CDKAL1: variants seen among roughly 807,000 people sequenced by gnomAD.
CDKAL1 encodes CDKAL1 threonylcarbamoyladenosine tRNA methylthiotransferase.
CDKAL1 carries 32 observed loss-of-function variants against 68.2 expected under a neutral mutation model. The ratio of observed to expected loss-of-function variants is 0.47; its 90% CI spans 0.35 to 0.63. The LOEUF is 0.63. Among genes scored for constraint, CDKAL1 ranks in the 30% least tolerant of loss-of-function variants. CDKAL1 has a pLI of 0.00. For missense variants in CDKAL1, 606 were observed against 696.7 expected (o/e 0.87, Z 1.47); for synonymous variants, 234 against 244.3 (o/e 0.96, Z 0.39).
intron 9 of CDKAL1, among the ~76,000 whole-genome samples, chr6:20,942,953 CAAAAAAA>C (rs70990084): frequency 1.8e-5 from 2 of 113,326 alleles, no homozygotes; most frequent in Non-Finnish European, 1.7e-5. Flanking sequence ...GATTCTGTCT[CAAAAAAA>C]AAAAAAAAAG....
In CDKAL1 at chr6:21,203,669, C is replaced by T. The variant is rs117383080; in HGVS notation, c.1548+2395C>T. On this transcript the variant is annotated intron_variant, in intron 15 of 15. Coordinates refer to ENST00000274695, the MANE Select transcript of CDKAL1 (RefSeq NM_017774.3). ...CTAAAGCAAAATACTGTGCTTTGGA[C>T]TTATTTTGTCTCACTTGACCTCTTT... Among the ~76,000 whole-genome samples, 19 of 136,252 alleles carry T rather than the reference C, an allele frequency of 1.4e-4. No individual in the cohort carries two copies. The East Asian group carries it at 3.9e-3, about 28-fold the overall frequency. The allele number at this position is 136,252 out of a possible 152,430, so 89.4% of individuals were successfully genotyped here.
chr6:21,032,434 A>C (rs1004978911), intron 11 of CDKAL1, among the ~76,000 whole-genome samples: 1 of 152,176 alleles, frequency 6.6e-6, no homozygotes, highest in Middle Eastern at 3.4e-3. Flanking sequence ...GTCTATTTTT[A>C]TTTAAAGTTA....
chr6:21,227,168 T>C (rs1035287457), intron 15 of CDKAL1, among the ~76,000 whole-genome samples: 1 of 152,240 alleles, frequency 6.6e-6, no homozygotes, highest in Admixed American at 6.5e-5. Context: ...ACGCTTGTCG[T>C]GTGTGTGTCG....
intron 5 of CDKAL1, among the ~76,000 whole-genome samples, chr6:20,686,137 A>C (rs1770607958): frequency 6.7e-6 from 1 of 149,248 alleles, no homozygotes; most frequent in African/African-American, 2.5e-5. Flanking sequence ...CATTTATTTC[A>C]TCTGCGAACA....
At chr6:20,935,745 T>A (rs968596171) in intron 9 of CDKAL1, among the ~76,000 whole-genome samples, 8 of 152,146 alleles carry the variant, frequency 5.3e-5, no homozygotes, top group South Asian at 2.1e-4. Context: ...TAGACTTTTT[T>A]AAAAAATAGA....
chr6:21,034,501 A>G (rs1377611523), intron 11 of CDKAL1, among the ~76,000 whole-genome samples: 1 of 152,232 alleles, frequency 6.6e-6, no homozygotes, highest in Non-Finnish European at 1.5e-5. Context: ...TAAGTGGCCA[A>G]TTAAAGCAGC....
chr6:21,112,465 C>T (rs995390720), intron 13 of CDKAL1, among the ~76,000 whole-genome samples: 6 of 152,122 alleles, frequency 3.9e-5, no homozygotes, highest in Non-Finnish European at 8.8e-5. Flanking sequence ...CACTATTTTT[C>T]TGTATTTTGT....
At chr6:20,917,873 G>C (rs1762786330) in intron 9 of CDKAL1, among the ~76,000 whole-genome samples, 1 of 152,164 alleles carries the variant, frequency 6.6e-6, no homozygotes, top group African/African-American at 2.4e-5. Flanking sequence ...TCCTTTGTGG[G>C]ATGATTAAGT....
At chr6:20,753,040 T>G (rs1773998043) in intron 6 of CDKAL1, among the ~76,000 whole-genome samples, 1 of 152,186 alleles carries the variant, frequency 6.6e-6, no homozygotes, top group Admixed American at 6.5e-5. Context: ...ACTATGCAAT[T>G]CACCCATTTA....
intron 11 of CDKAL1, among the ~76,000 whole-genome samples, chr6:21,044,713 G>C (rs1393715718): frequency 1.3e-5 from 2 of 152,142 alleles, no homozygotes; most frequent in Non-Finnish European, 2.9e-5. Flanking sequence ...TGGTTTCTCT[G>C]TGCAAACACT....
Position 21,231,065 on chromosome 6 carries a change from A to T in CDKAL1, c.*26A>T. On this transcript the variant is annotated 3_prime_UTR_variant, in exon 16 of 16. Transcript: ENST00000274695. ...AATACAACTAATGGAAACATCTATA[A>T]AGAAGAATACATTTCTAATTAAAAT... The T allele has an allele frequency of 6.6e-7, 1 of 1,511,180 alleles. No homozygotes were observed. Among genetic ancestry groups the T allele is most frequent in the Non-Finnish European group, 9.1e-7 (1 of 1,103,644 alleles). 93.6% of individuals were successfully genotyped at this position (1,511,180 alleles called of 1,614,324 possible).
chr6:20,598,604 G>A (rs1765944350), intron 4 of CDKAL1, among the ~76,000 whole-genome samples: 1 of 152,118 alleles, frequency 6.6e-6, no homozygotes, highest in Non-Finnish European at 1.5e-5. Context: ...GATATCTATT[G>A]TGTTCATTAA....
At chr6:20,926,602 G>C (rs1763199932) in intron 9 of CDKAL1, among the ~76,000 whole-genome samples, 1 of 151,928 alleles carries the variant, frequency 6.6e-6, no homozygotes, top group Non-Finnish European at 1.5e-5. Flanking sequence ...AAAGAAGAAG[G>C]GGCATCTTAC....
intron 4 of CDKAL1, among the ~76,000 whole-genome samples, chr6:20,589,360 A>G (rs1391405337): frequency 6.6e-6 from 1 of 152,224 alleles, no homozygotes; most frequent in Non-Finnish European, 1.5e-5. Flanking sequence ...CATTACACAC[A>G]CATGTTCTGC....
At chr6:20,855,442 C>CAAAAAAA (rs145448785) in intron 9 of CDKAL1, among the ~76,000 whole-genome samples, 2 of 64,598 alleles carry the variant, frequency 3.1e-5, no homozygotes, top group African/African-American at 1.4e-4. Context: ...GACTCCGTCT[C>CAAAAAAA]AAAAAAAAAA....
intron 13 of CDKAL1, among the ~76,000 whole-genome samples, chr6:21,194,923 A>C (rs1054952625): frequency 6.6e-6 from 1 of 152,098 alleles, no homozygotes; most frequent in Non-Finnish European, 1.5e-5. Flanking sequence ...AAAAATATTG[A>C]GGGAAGCATT....
At chr6:20,555,644 A>G in intron 4 of CDKAL1, among the ~76,000 whole-genome samples, 1 of 98,922 alleles carries the variant, frequency 1.0e-5, no homozygotes, top group Non-Finnish European at 1.9e-5. Context: ...TTTTTTTGAG[A>G]CGGAGTCCTG....
chr6:21,067,016 C>T (rs1173597310), intron 12 of CDKAL1, among the ~76,000 whole-genome samples: 3 of 152,146 alleles, frequency 2.0e-5, no homozygotes, highest in Non-Finnish European at 4.4e-5. Context: ...TCTCATAGTT[C>T]AATCTATTCT....
intron 12 of CDKAL1, among the ~76,000 whole-genome samples, chr6:21,102,508 T>C (rs1207082005): frequency 2.0e-5 from 3 of 152,194 alleles, no homozygotes; most frequent in Non-Finnish European, 2.9e-5. Flanking sequence ...TAAGCCCTTG[T>C]TCTCTGCGTG....
Sources: allele counts gnomAD v4.1 joint callset (sites outside exome capture counted in the v4.1 genomes callset), GRCh38; gene constraint gnomAD v4.1.1; transcripts MANE v1.5; gene names NCBI Gene and HGNC (gene_info 2026-07-23, HGNC 2026-07-21).